Variants in SPACA7 observed in about 807,000 individuals in gnomAD.
The protein encoded by SPACA7 is sperm acrosome associated 7, also known as sperm acrosome-associated protein 7.
SPACA7 carries 19 observed loss-of-function variants against 26.3 expected under a neutral mutation model. The observed-to-expected ratio is 0.72, with a 90% CI of 0.50 to 1.06. The LOEUF is 1.06. SPACA7 is among the 50% of genes least tolerant of loss of function. The probability of loss-of-function intolerance (pLI) is 0.00; values close to 1 mark genes in which losing one functional copy is unlikely to be tolerated. For missense variants in SPACA7, 211 were observed against 229.9 expected (o/e 0.92, Z 0.53); for synonymous variants, 84 against 84.5 (o/e 0.99, Z 0.04).
At chr13:112,383,143 A>G (rs1472661271) in intron 1 of SPACA7, among the ~76,000 whole-genome samples, 7 of 93,562 alleles carry the variant, frequency 7.5e-5, no homozygotes, top group African/African-American at 3.6e-4. Flanking sequence ...GAAAGAAAGA[A>G]AGAAAGAAAG....
intron 5 of SPACA7, among the ~76,000 whole-genome samples, chr13:112,405,498 T>C (rs978536776): frequency 6.6e-6 from 1 of 152,214 alleles, no homozygotes; most frequent in Non-Finnish European, 1.5e-5. Context: ...TTTTTCATAA[T>C]AATTTCTAGT....
At chr13:112,379,166 A>G (rs1158944668) in intron 1 of SPACA7, among the ~76,000 whole-genome samples, 1 of 152,242 alleles carries the variant, frequency 6.6e-6, no homozygotes, top group East Asian at 1.9e-4. Context: ...TTCTTGTTCT[A>G]CTTGATCTTG....
intron 1 of SPACA7, among the ~76,000 whole-genome samples, chr13:112,383,170 AAAGAAAGAAAGAAAGAAAGAAAGAAAAG>A (rs1566453517): frequency 7.8e-5 from 10 of 127,980 alleles, no homozygotes; most frequent in East Asian, 4.5e-4. Context: ...AGAAAGAAAG[AAAGAAAGAAAGAAAGAAAGAAAGAAAAG>A]AAAGAAAGAA....
At chr13:112,380,184 A>G (rs1409210922) in intron 1 of SPACA7, among the ~76,000 whole-genome samples, 1 of 152,016 alleles carries the variant, frequency 6.6e-6, no homozygotes, top group African/African-American at 2.4e-5. Context: ...GGAGGCCAAC[A>G]TGGGCGGATA....
In SPACA7 at chr13:112,386,715, T is replaced by A. The variant is rs183049525; in HGVS notation, c.95-6306T>A. On this transcript the variant is annotated intron_variant, in intron 1 of 6. Coordinates refer to ENST00000283550, the MANE Select transcript of SPACA7 (RefSeq NM_145248.5). ...GAGAAAAACATAAAGGCCTTTTAAA[T>A]ACATCTATACCTTGTTTATCCACTT... Among the ~76,000 whole-genome samples the A allele has an allele frequency of 2.0e-5, 3 of 152,312 alleles. No individual in the cohort carries two copies. In the East Asian group the frequency reaches 5.8e-4, roughly 29 times the overall value.
chr13:112,411,183 A>T (rs1886327389), intron 5 of SPACA7, among the ~76,000 whole-genome samples: 1 of 151,012 alleles, frequency 6.6e-6, no homozygotes, highest in African/African-American at 2.5e-5. Flanking sequence ...AAAAAAAAAA[A>T]TTGGGGTATT....
intron 5 of SPACA7, among the ~76,000 whole-genome samples, chr13:112,415,785 G>T (rs1362059667): frequency 6.6e-6 from 1 of 152,114 alleles, no homozygotes; most frequent in Non-Finnish European, 1.5e-5. Flanking sequence ...ATTTATTTGG[G>T]ACCTATGGCC....
At chr13:112,404,367 TTGTC>T (rs1166376383) in intron 5 of SPACA7, among the ~76,000 whole-genome samples, 1 of 152,240 alleles carries the variant, frequency 6.6e-6, no homozygotes, top group Non-Finnish European at 1.5e-5. Context: ...ACTCTGTGGA[TTGTC>T]TGTTCACTCT....
intron 5 of SPACA7, among the ~76,000 whole-genome samples, chr13:112,429,596 C>T (rs74317524): frequency 0.025 from 3,799 of 152,214 alleles, 75 homozygotes; most frequent in Admixed American, 0.054. Flanking sequence ...TCTAATCTGA[C>T]ATTCTATGCT....
intron 4 of SPACA7, among the ~76,000 whole-genome samples, chr13:112,399,522 G>A (rs1454832918): frequency 6.6e-6 from 1 of 152,238 alleles, no homozygotes; most frequent in Non-Finnish European, 1.5e-5. Flanking sequence ...TCACAGGGCA[G>A]GTGCAGAGAG....
In SPACA7 at chr13:112,383,172, A is replaced by T. The variant is rs918782860; in HGVS notation, c.94+6693A>T. Among the ~76,000 whole-genome samples, 10 of 141,376 alleles carry T rather than the reference A, an allele frequency of 7.1e-5. No individual in the cohort carries two copies. The East Asian group carries it at 2.0e-3, about 28-fold the overall frequency. The allele number at this position is 141,376 out of a possible 152,430, so 92.7% of individuals were successfully genotyped here. A position where few individuals can be genotyped will look rare whatever the true frequency, so the allele number is the denominator to read the frequency against. On this transcript the variant is annotated intron_variant, in intron 1 of 6. Coordinates refer to ENST00000283550, the MANE Select transcript of SPACA7 (RefSeq NM_145248.5). ...AAGAAAGAAAGAAAGAAAGAAAGAA[A>T]GAAAGAAAGAAAGAAAGAAAGAAAA...
chr13:112,415,841 C>A (rs1886657116), intron 5 of SPACA7, among the ~76,000 whole-genome samples: 1 of 152,138 alleles, frequency 6.6e-6, no homozygotes, highest in Non-Finnish European at 1.5e-5. Context: ...CAGGTTCATC[C>A]TGCAGGGCAG....
chr13:112,378,734 C>A (rs1319748723), intron 1 of SPACA7: 1 of 471,032 alleles, frequency 2.1e-6, no homozygotes, highest in African/African-American at 2.0e-5. Flanking sequence ...GGTAGCAGGT[C>A]AGTTTCTCCA....
intron 2 of SPACA7, among the ~76,000 whole-genome samples, chr13:112,396,482 A>G (rs1438844078): frequency 6.6e-6 from 1 of 152,138 alleles, no homozygotes; most frequent in African/African-American, 2.4e-5. Context: ...CCTCCTGGAC[A>G]TGGCTGGCTG....
At chr13:112,415,225 C>T (rs6577079) in intron 5 of SPACA7, among the ~76,000 whole-genome samples, 3 of 152,054 alleles carry the variant, frequency 2.0e-5, no homozygotes, top group Non-Finnish European at 2.9e-5. Context: ...GGAGTGATAC[C>T]GGCACTCTCA....
At chr13:112,378,061 T>C (rs1402986454) in intron 1 of SPACA7, among the ~76,000 whole-genome samples, 1 of 152,178 alleles carries the variant, frequency 6.6e-6, no homozygotes, top group Non-Finnish European at 1.5e-5. Flanking sequence ...GTCATGGTTA[T>C]GCTGGGGGCA....
At chr13:112,380,521 A>T (rs1340139173) in intron 1 of SPACA7, among the ~76,000 whole-genome samples, 2 of 152,078 alleles carry the variant, frequency 1.3e-5, no homozygotes, top group African/African-American at 4.8e-5. Context: ...ACTAAAGCTC[A>T]TCTATAAAAT....
At chr13:112,378,286 T>TA (rs549079125) in intron 1 of SPACA7, among the ~76,000 whole-genome samples, 27 of 152,078 alleles carry the variant, frequency 1.8e-4, no homozygotes, top group Non-Finnish European at 2.4e-4. Flanking sequence ...TATCAAAAGA[T>TA]AAAAAAAAGT....
At chr13:112,376,777 GT>G (rs902998063) in intron 1 of SPACA7, among the ~76,000 whole-genome samples, 4 of 149,670 alleles carry the variant, frequency 2.7e-5, no homozygotes, top group African/African-American at 4.9e-5. Flanking sequence ...TGCATATTTT[GT>G]TTTTTTCTAC....
Sources: gnomAD v4.1 joint callset for allele counts (sites outside exome capture counted in the v4.1 genomes callset) on GRCh38, gnomAD v4.1.1 for gene constraint, MANE v1.5 for transcripts, NCBI Gene and HGNC (gene_info 2026-07-23, HGNC 2026-07-21) for gene names.